CRYAB: variants seen among roughly 807,000 people sequenced by gnomAD.
The protein encoded by CRYAB is alpha-crystallin B chain.
Under a neutral mutation model 12.7 loss-of-function variants are expected in CRYAB, and 9 were observed. The ratio of observed to expected loss-of-function variants is 0.71; its 90% CI spans 0.43 to 1.24. The LOEUF (loss-of-function observed/expected upper bound fraction) is 1.24, where lower values mean the gene tolerates loss of function less well. CRYAB is among the 50% of genes most tolerant of loss of function. The pLI is 0.00. For missense variants in CRYAB, 183 were observed against 226.6 expected (o/e 0.81, Z 1.24); for synonymous variants, 93 against 86.8 (o/e 1.07, Z -0.40).
upstream of CRYAB, chr11:111,912,857 C>T (rs1965509844): frequency 1.2e-6 from 2 of 1,607,544 alleles, no homozygotes; most frequent in African/African-American, 1.3e-5. Context: ...GCCACATGCC[C>T]ACCCGGCCAC....
upstream of CRYAB, chr11:111,913,802 T>C: frequency 1.9e-6 from 3 of 1,614,138 alleles, no homozygotes; most frequent in Non-Finnish European, 2.5e-6. Context: ...GTGGCCGACA[T>C]TTGGACACAG....
upstream of CRYAB, chr11:111,913,748 T>C (rs143022702): frequency 5.6e-6 from 9 of 1,614,034 alleles, no homozygotes; most frequent in South Asian, 7.7e-5. Context: ...GAGTCCGAGC[T>C]GCTCTCTCCC....
chr11:111,911,698 C>T lies in CRYAB; in HGVS notation c.27G>A (p.Trp9Ter), dbSNP rs142776559. 1 of 1,595,862 alleles carries T rather than the reference C, an allele frequency of 6.3e-7. No homozygotes were observed. Among genetic ancestry groups the T allele is most frequent in the Non-Finnish European group, 8.5e-7 (1 of 1,171,384 alleles). MDIAIHHP[W>*]IRRPFFPFHS... is the part of the protein sequence containing the mutation. ...GGAAAGGAAAGAAGGGGCGGCGGAT[C>T]CAGGGGTGGTGGATGGCGATGTCCA... Residue 9 changes from tryptophan to a stop codon, truncating the protein, a stop_gained, in exon 1 of 3, where the codon TGG (tryptophan) becomes TGA (stop). Transcript: ENST00000650687. LOFTEE classifies it high-confidence loss of function.
intron 2 of CRYAB, chr11:111,909,408 A>G (rs1965382365): frequency 2.8e-6 from 1 of 358,534 alleles, no homozygotes; most frequent in Non-Finnish European, 5.4e-6. Flanking sequence ...ACTCCATCCA[A>G]GGAGACTATG....
chr11:111,919,020 G>A, intron 1 of CRYAB: 1 of 1,614,090 alleles, frequency 6.2e-7, no homozygotes, highest in Non-Finnish European at 8.5e-7. Flanking sequence ...TAGGCTGGAA[G>A]GGCAAAGGGG....
rs1171165163 is a variant in CRYAB, at chr11:111,908,979, G to T, written c.325-12C>A. Reference sequence around the variant, plus strand: ...AAACCATGTTCATCCTAACCCAAAAGAATGAGGAAAGAGGCAGAGAGATAA... The same window carrying T: ...AAACCATGTTCATCCTAACCCAAAATAATGAGGAAAGAGGCAGAGAGATAA... On this transcript the variant is annotated splice_polypyrimidine_tract_variant and intron_variant, in intron 2 of 2. Transcript: ENST00000650687. The T allele has an allele frequency of 6.2e-7, 1 of 1,613,820 alleles. No individual in the cohort carries two copies.
chr11:111,912,981 G>C, upstream of CRYAB: 2 of 1,349,368 alleles, frequency 1.5e-6, no homozygotes, highest in Non-Finnish European at 2.0e-6. Flanking sequence ...ATTCTGGGCT[G>C]ACCTCCCAAC....
chr11:111,914,628 T>G (rs1370810353), upstream of CRYAB, among the ~76,000 whole-genome samples: 1 of 152,200 alleles, frequency 6.6e-6, no homozygotes, highest in African/African-American at 2.4e-5. Flanking sequence ...GTACGGTGTA[T>G]TCAGGAAAGC....
At chr11:111,911,379 G>T in intron 1 of CRYAB, 145 bp downstream of exon 1, 1 of 742,964 alleles carries the variant, frequency 1.3e-6, no homozygotes, top group Non-Finnish European at 2.3e-6. Flanking sequence ...GGGGAGGAAG[G>T]CACTAGCAAC....
At chr11:111,918,634 G>C in intron 1 of CRYAB, 1 of 673,124 alleles carries the variant, frequency 1.5e-6, no homozygotes, top group Non-Finnish European at 2.7e-6. Context: ...TGATGTAATG[G>C]AGAAGCATTT....
At chr11:111,913,958 C>A, upstream of CRYAB, 1 of 1,394,002 alleles carries the variant, frequency 7.2e-7, no homozygotes, top group East Asian at 2.3e-5. Context: ...GGGCAGCTGC[C>A]CACCACTCCA....
At chr11:111,918,608 T>C (rs183418314) in intron 1 of CRYAB, 1 of 654,140 alleles carries the variant, frequency 1.5e-6, no homozygotes, top group Non-Finnish European at 2.8e-6. Context: ...ATAGAGGATA[T>C]ATTTCAAAGA....
intron 1 of CRYAB, among the ~76,000 whole-genome samples, chr11:111,923,111 G>A (rs1555166673): frequency 6.6e-6 from 1 of 152,148 alleles, no homozygotes; most frequent in African/African-American, 2.4e-5. Context: ...AAAATAAGTA[G>A]GTAAAGAGTA....
At chr11:111,913,435 C>T (rs1555165840), upstream of CRYAB, 1 of 1,601,492 alleles carries the variant, frequency 6.2e-7, no homozygotes. Flanking sequence ...TCTCTCTGCC[C>T]TTTAGGCCTC....
At chr11:111,912,996 C>T, upstream of CRYAB, 1 of 1,064,652 alleles carries the variant, frequency 9.4e-7, no homozygotes, top group Non-Finnish European at 1.3e-6. Flanking sequence ...CCCAACGTTG[C>T]TGGCCTCCAC....
At position 111,911,424 on chromosome 11, in the gene CRYAB, G is replaced by A. The variant is rs1965449223; in HGVS notation, c.201+100C>T. On this transcript the variant is annotated intron_variant, in intron 1 of 2. Coordinates refer to ENST00000650687, the MANE Select transcript of CRYAB (RefSeq NM_001289808.2). ...TTTCTTCACATTTGGACACACATGTGCCTAAAATGGTTTAGGCAGGGTAGG... is the reference window on the plus strand; with the variant it reads ...TTTCTTCACATTTGGACACACATGTACCTAAAATGGTTTAGGCAGGGTAGG... 3.3e-6 allele frequency: 4 copies of A among 1,217,344 alleles called. No individual in the cohort carries two copies. In the South Asian group the frequency reaches 3.9e-5, roughly 12 times the overall value. 75.4% of individuals were successfully genotyped at this position (1,217,344 alleles called of 1,614,324 possible). A position where few individuals can be genotyped will look rare whatever the true frequency, so the allele number is the denominator to read the frequency against.
At chr11:111,912,950 C>CT, upstream of CRYAB, 2 of 1,120,374 alleles carry the variant, frequency 1.8e-6, no homozygotes, top group Non-Finnish European at 2.4e-6. Flanking sequence ...ACCCCCTTGC[C>CT]CCCCACCCCC....
intron 1 of CRYAB, chr11:111,918,947 C>T: frequency 6.2e-7 from 1 of 1,614,122 alleles, no homozygotes; most frequent in South Asian, 1.1e-5. Flanking sequence ...ATAAAAACAG[C>T]TGGGCTCCCT....
At chr11:111,911,869 G>T, upstream of CRYAB, 1 of 643,084 alleles carries the variant, frequency 1.6e-6, no homozygotes, top group Non-Finnish European at 2.8e-6. Flanking sequence ...AGCAGTTCAT[G>T]GAGACTTGTG....
Sources: allele counts gnomAD v4.1 joint callset (sites outside exome capture counted in the v4.1 genomes callset), GRCh38; gene constraint gnomAD v4.1.1; transcripts MANE v1.5; gene names NCBI Gene and HGNC (gene_info 2026-07-23, HGNC 2026-07-21).